The following HOPX variants were observed in gnomAD, a reference collection of about 807,000 sequenced individuals.
The protein encoded by HOPX is HOP homeobox, also known as homeodomain-only protein.
In HOPX, 5 loss-of-function variants were observed where a neutral mutation model predicts 11.8. That is an observed-to-expected ratio of 0.43 (90% CI 0.22 to 0.89). The LOEUF is 0.89. Ranked by LOEUF, HOPX falls within the 40% of genes least tolerant of loss-of-function variation. The probability of loss-of-function intolerance (pLI) is 0.28; values close to 1 mark genes in which losing one functional copy is unlikely to be tolerated. For synonymous variants in HOPX, 49 were observed against 49.7 expected, an observed-to-expected ratio of 0.99 and a Z score of 0.06; for missense variants, 119 against 120.0, an observed-to-expected ratio of 0.99 and a Z score of 0.04.
At chr4:56,673,610 G>A (rs953739810) in intron 1 of HOPX, among the ~76,000 whole-genome samples, 6 of 152,126 alleles carry the variant, frequency 3.9e-5, no homozygotes, top group African/African-American at 4.8e-5. Flanking sequence ...TGACCTCCAC[G>A]ACATCCTTCC....
chr4:56,659,503 T>C (rs4865137), intron 1 of HOPX: 75,244 of 151,736 alleles, frequency 0.5, 19,568 homozygotes, highest in African/African-American at 0.65. Context: ...AAACAGAAGT[T>C]GAGTATTCAT....
chr4:56,648,699 C>G lies in HOPX; in HGVS notation c.*21G>C, dbSNP rs1268782055. 6.4e-7 allele frequency: 1 copy of G among 1,555,316 alleles called. No individual in the cohort carries two copies. On this transcript the variant is annotated 3_prime_UTR_variant, in exon 4 of 4. Transcript: ENST00000420433. ...CAGAGATGGCCTTCATGGAGTGAAG[C>G]TGTCAATGCCTGCCATCTCCTTAGT...
At chr4:56,656,076 A>C in intron 2 of HOPX, 64 bp from the exon 3 acceptor site, 2 of 1,395,668 alleles carry the variant, frequency 1.4e-6, no homozygotes, top group Non-Finnish European at 1.9e-6. Flanking sequence ...GCAGCGAAGG[A>C]AGGCGGTCGC....
At chr4:56,657,398 G>C (rs1717821475) in intron 2 of HOPX, among the ~76,000 whole-genome samples, 1 of 152,184 alleles carries the variant, frequency 6.6e-6, no homozygotes, top group Non-Finnish European at 1.5e-5. Context: ...TTGTGCCTGG[G>C]ATGAGCCACA....
chr4:56,681,176 G>A (rs1429770201), intron 1 of HOPX, 79 bp downstream of exon 1: 2 of 965,410 alleles, frequency 2.1e-6, no homozygotes, highest in Admixed American at 6.2e-5. Context: ...GAGCAAATAC[G>A]GTAACGATAG....
intron 1 of HOPX, among the ~76,000 whole-genome samples, chr4:56,677,445 A>G (rs1719075217): frequency 6.6e-6 from 1 of 151,572 alleles, no homozygotes; most frequent in African/African-American, 2.4e-5. Flanking sequence ...ATTTCAAGGA[A>G]CTCCTAGATA....
At chr4:56,664,572 G>T (rs1718333363) in intron 1 of HOPX, 1 of 151,678 alleles carries the variant, frequency 6.6e-6, no homozygotes, top group Non-Finnish European at 1.5e-5. Context: ...AAAGCACAAT[G>T]GTTGAAATTA....
intron 1 of HOPX, among the ~76,000 whole-genome samples, chr4:56,668,180 C>A (rs1718540403): frequency 6.6e-6 from 1 of 152,180 alleles, no homozygotes; most frequent in Non-Finnish European, 1.5e-5. Flanking sequence ...CCGCCTTGGC[C>A]TCCCAAAGTG....
At chr4:56,651,924 A>G (rs1366072052) in intron 3 of HOPX, among the ~76,000 whole-genome samples, 1 of 149,756 alleles carries the variant, frequency 6.7e-6, no homozygotes, top group Admixed American at 6.7e-5. Context: ...GTTTGAAATA[A>G]TAGAAAACAC....
At chr4:56,681,033 A>C in intron 1 of HOPX, 2 of 985,130 alleles carry the variant, frequency 2.0e-6, no homozygotes, top group Non-Finnish European at 2.4e-6. Context: ...CTTCCTCCAA[A>C]TTCCCCTCGA....
At position 56,656,095 on chromosome 4, in the gene HOPX, C is replaced by T. The variant is rs1281765806; in HGVS notation, c.43-83G>A. Reference sequence around the variant, plus strand: ...CGAAGGAAGGCGGTCGCGGCGCCGCCGGGCAGCCCCAGCCCCAGGCCGCCC... The same window carrying T: ...CGAAGGAAGGCGGTCGCGGCGCCGCTGGGCAGCCCCAGCCCCAGGCCGCCC... On this transcript the variant is annotated intron_variant, in intron 2 of 3. Coordinates refer to ENST00000420433, the MANE Select transcript of HOPX (RefSeq NM_032495.6). 9.6e-6 allele frequency: 13 copies of T among 1,350,736 alleles called. No individual in the cohort carries two copies. In the Admixed American group the frequency reaches 2.3e-4, roughly 24 times the overall value. The allele number at this position is 1,350,736 out of a possible 1,614,324, so 83.7% of individuals were successfully genotyped here. A position where few individuals can be genotyped will look rare whatever the true frequency, so the allele number is the denominator to read the frequency against.
In HOPX at chr4:56,655,984, G is replaced by C. The variant is rs1484619983; in HGVS notation, c.71C>G (p.Ala24Gly). The C allele has an allele frequency of 1.2e-6, 2 of 1,607,032 alleles. No individual in the cohort carries two copies. Among genetic ancestry groups the C allele is most frequent in the Non-Finnish European group, 1.7e-6 (2 of 1,177,286 alleles). ...ERAGTMSAET[A>G]SGPTEDQVEI... ...CACCTGGTCCTCTGTGGGGCCGCTCGCGGTCTCCGCCGACATGGTCCCTGC... is the reference window on the plus strand; with the variant it reads ...CACCTGGTCCTCTGTGGGGCCGCTCCCGGTCTCCGCCGACATGGTCCCTGC... The change falls in exon 3 of 4, where the codon GCG becomes GGG. Residue 24 changes from alanine to glycine, a missense_variant. Coordinates refer to ENST00000420433, the MANE Select transcript of HOPX (RefSeq NM_032495.6).
rs184874305 is a variant in HOPX at position 56,649,055 on chromosome 4, G to A, written c.199-258C>T. On this transcript the variant is annotated intron_variant, in intron 3 of 3. Coordinates refer to ENST00000420433, the MANE Select transcript of HOPX (RefSeq NM_032495.6). Reference sequence around the variant, plus strand: ...TCATCCTCACATCTCAGCTTAAACAGGACCTTCTCAATGAAGCCTTCCCTG... The same window carrying A: ...TCATCCTCACATCTCAGCTTAAACAAGACCTTCTCAATGAAGCCTTCCCTG... 20 of 335,380 alleles carry A rather than the reference G, an allele frequency of 6.0e-5. No individual in the cohort carries two copies. The East Asian group carries it at 9.0e-4, about 15-fold the overall frequency. The allele number at this position is 335,380 out of a possible 1,614,324, so 20.8% of individuals were successfully genotyped here.
intron 1 of HOPX, among the ~76,000 whole-genome samples, chr4:56,678,253 A>G (rs746366711): frequency 9.9e-5 from 15 of 151,310 alleles, no homozygotes; most frequent in Non-Finnish European, 2.1e-4. Flanking sequence ...GTCAGGTGGC[A>G]TGGGGCCATC....
At chr4:56,662,364 A>G (rs1718183153) in intron 1 of HOPX, 1 of 152,182 alleles carries the variant, frequency 6.6e-6, no homozygotes, top group South Asian at 2.1e-4. Flanking sequence ...GCATCAGAGG[A>G]AGACTCAGAA....
At position 56,657,777 on chromosome 4, in the gene HOPX, C is replaced by G. The variant is rs1191753298; in HGVS notation, c.40G>C (p.Glu14Gln). The change falls in exon 2 of 4, where the codon GAG becomes CAG. Residue 14 changes from glutamate (E) to glutamine (Q), a missense_variant and splice_region_variant. Glu to Gln is a conservative substitution (Grantham distance 29). Transcript: ENST00000420433. ...CTGGGAAGAACCTTGGAAATTACCT[C>G]TTCCAGTCTTCTTCTGTAACAGCCC... is the stretch of plus-strand genomic sequence containing the variant. ...FLGCYRRRLE[E>Q]RAGTMSAETA... The G allele has an allele frequency of 8.3e-7, 1 of 1,201,082 alleles. No individual in the cohort carries two copies. 74.4% of individuals were successfully genotyped at this position (1,201,082 alleles called of 1,614,324 possible). A position where few individuals can be genotyped will look rare whatever the true frequency, so the allele number is the denominator to read the frequency against.
At chr4:56,657,934 T>A in intron 1 of HOPX, 35 bp from the exon 2 acceptor site, 1 of 1,540,902 alleles carries the variant, frequency 6.5e-7, no homozygotes, top group South Asian at 1.2e-5. Flanking sequence ...GTAGTCATAA[T>A]GCAGGCAGGA....
chr4:56,653,381 T>C (rs1169617729), intron 3 of HOPX, among the ~76,000 whole-genome samples: 2 of 152,104 alleles, frequency 1.3e-5, no homozygotes, highest in Non-Finnish European at 2.9e-5. Context: ...TCATAGGAGA[T>C]ACTCTTTAAA....
chr4:56,657,901 T>C lies in HOPX; in HGVS notation c.-83-2A>G. On this transcript the variant is annotated splice_acceptor_variant, in intron 1 of 3. Coordinates refer to ENST00000420433, the MANE Select transcript of HOPX (RefSeq NM_032495.6). LOFTEE classifies it low-confidence loss of function (5UTR_SPLICE). ...TCAGTGGGGCAGTCTGTCATTAGTC[T>C]GGTAGGAAAAATCAGGAGGGCAGTA... 1 of 1,550,430 alleles carries C rather than the reference T, an allele frequency of 6.4e-7. No individual in the cohort carries two copies. Among genetic ancestry groups the C allele is most frequent in the Non-Finnish European group, 8.7e-7 (1 of 1,146,598 alleles).
Sources: allele counts gnomAD v4.1 joint callset (sites outside exome capture counted in the v4.1 genomes callset), GRCh38; gene constraint gnomAD v4.1.1; transcripts MANE v1.5; gene names NCBI Gene and HGNC (gene_info 2026-07-23, HGNC 2026-07-21).